Variants in LRRC4C observed in about 807,000 individuals in gnomAD.
LRRC4C encodes the protein leucine rich repeat containing 4C.
In LRRC4C, 5 loss-of-function variants were observed where a neutral mutation model predicts 33.6. The observed-to-expected ratio is 0.15, with a 90% CI of 0.08 to 0.31. The LOEUF (loss-of-function observed/expected upper bound fraction) is 0.31, where lower values mean the gene tolerates loss of function less well. LRRC4C is among the 10% of genes least tolerant of loss of function. LRRC4C has a pLI of 1.00. For synonymous variants in LRRC4C, 329 were observed against 302.0 expected, an observed-to-expected ratio of 1.09 and a Z score of -0.93; for missense variants, 560 against 796.7, an observed-to-expected ratio of 0.70 and a Z score of 3.58.
At chr11:40,437,038 A>G (rs1951170922) in intron 3 of LRRC4C, among the ~76,000 whole-genome samples, 1 of 152,104 alleles carries the variant, frequency 6.6e-6, no homozygotes, top group Non-Finnish European at 1.5e-5. Context: ...GATTAAAAGC[A>G]TTGTTATTCT....
intron 1 of LRRC4C, among the ~76,000 whole-genome samples, chr11:40,981,176 G>A (rs1565267156): frequency 6.6e-6 from 1 of 152,172 alleles, no homozygotes; most frequent in Non-Finnish European, 1.5e-5. Context: ...AGCACTTTGA[G>A]AGGCCGAGAC....
chr11:41,054,793 G>A (rs763699358), intron 1 of LRRC4C, among the ~76,000 whole-genome samples: 3 of 152,160 alleles, frequency 2.0e-5, no homozygotes, highest in Non-Finnish European at 4.4e-5. Context: ...GTACAGTCCA[G>A]AAGAAAAGCA....
At chr11:41,157,682 C>A (rs1201673190) in intron 1 of LRRC4C, among the ~76,000 whole-genome samples, 3 of 152,038 alleles carry the variant, frequency 2.0e-5, no homozygotes, top group Admixed American at 6.6e-5. Context: ...AAGCACACAG[C>A]TTTATTCCCT....
chr11:41,456,886 C>CAA (rs1956185890), intron 1 of LRRC4C, among the ~76,000 whole-genome samples: 1 of 152,044 alleles, frequency 6.6e-6, no homozygotes, highest in Non-Finnish European at 1.5e-5. Flanking sequence ...AATACAGATG[C>CAA]AAAGTTACAG....
At chr11:40,600,586 T>C (rs1208021856) in intron 3 of LRRC4C, among the ~76,000 whole-genome samples, 3 of 152,200 alleles carry the variant, frequency 2.0e-5, no homozygotes, top group Admixed American at 1.3e-4. Context: ...TTCACTTCTG[T>C]TGAGAATCAT....
chr11:41,062,502 AT>A (rs933900189), intron 1 of LRRC4C, among the ~76,000 whole-genome samples: 36 of 151,878 alleles, frequency 2.4e-4, no homozygotes, highest in African/African-American at 3.9e-4. Flanking sequence ...TGACCAACAA[AT>A]TTTTTTTTCC....
intron 2 of LRRC4C, among the ~76,000 whole-genome samples, chr11:40,904,084 C>T (rs1360193464): frequency 6.6e-6 from 1 of 152,086 alleles, no homozygotes; most frequent in Non-Finnish European, 1.5e-5. Flanking sequence ...AAATTTCATC[C>T]AATGAGGAGT....
rs1956802108 is a variant in LRRC4C, at chr11:40,913,694, G to C, written c.-407+19941C>G. On this transcript the variant is annotated intron_variant, in intron 2 of 6. Coordinates refer to ENST00000528697, the MANE Select transcript of LRRC4C (RefSeq NM_001258419.2). ...CTAGCAAAAGGCAAGAAATAACTAA[G>C]ATCAGAGCAGAACTGAAGGAAATAG... Among the ~76,000 whole-genome samples, 6 of 152,076 alleles carry C rather than the reference G, an allele frequency of 3.9e-5. No homozygotes were observed. The South Asian group carries it at 8.3e-4, about 21-fold the overall frequency.
At chr11:40,768,606 C>A (rs981059053) in intron 2 of LRRC4C, among the ~76,000 whole-genome samples, 11 of 151,944 alleles carry the variant, frequency 7.2e-5, no homozygotes, top group African/African-American at 2.4e-4. Flanking sequence ...ACTGACAAAC[C>A]AAATTCAACA....
At chr11:40,461,414 GT>G (rs1952390774) in intron 3 of LRRC4C, among the ~76,000 whole-genome samples, 2 of 152,042 alleles carry the variant, frequency 1.3e-5, no homozygotes, top group African/African-American at 4.8e-5. Context: ...TAACTTTCTA[GT>G]GTCTTATGTT....
At chr11:40,787,558 T>C (rs967395843) in intron 2 of LRRC4C, among the ~76,000 whole-genome samples, 1 of 152,218 alleles carries the variant, frequency 6.6e-6, no homozygotes, top group Non-Finnish European at 1.5e-5. Context: ...AATGGCATAC[T>C]CTCTGATGCT....
At chr11:41,062,501 A>G (rs1937861126) in intron 1 of LRRC4C, among the ~76,000 whole-genome samples, 1 of 152,130 alleles carries the variant, frequency 6.6e-6, no homozygotes, top group Non-Finnish European at 1.5e-5. Flanking sequence ...TTGACCAACA[A>G]ATTTTTTTTT....
intron 2 of LRRC4C, among the ~76,000 whole-genome samples, chr11:40,755,078 G>C (rs565960075): frequency 6.6e-6 from 1 of 152,052 alleles, no homozygotes; most frequent in Non-Finnish European, 1.5e-5. Context: ...TTGTCAAAGA[G>C]TTTATCTATT....
chr11:40,269,938 G>T (rs1166624010), intron 4 of LRRC4C, among the ~76,000 whole-genome samples: 1 of 152,056 alleles, frequency 6.6e-6, no homozygotes, highest in African/African-American at 2.4e-5. Flanking sequence ...AATAAATGCA[G>T]GATAGAAGGA....
chr11:41,389,956 C>G (rs1270475241), intron 1 of LRRC4C, among the ~76,000 whole-genome samples: 1 of 151,712 alleles, frequency 6.6e-6, no homozygotes, highest in Non-Finnish European at 1.5e-5. Context: ...AGAAACATGT[C>G]CAAGGAAGAA....
chr11:41,191,334 C>T (rs1006673907), intron 1 of LRRC4C, among the ~76,000 whole-genome samples: 4 of 152,090 alleles, frequency 2.6e-5, no homozygotes, highest in Admixed American at 6.6e-5. Context: ...CATGCAAAAA[C>T]GTTCCTGATT....
rs546096669 is a variant in LRRC4C, at chr11:40,358,432, C to T, written c.-269-38711G>A. The stretch of plus-strand genomic sequence containing the variant: ...AGTAGCTGGGACTGCAGGTGCATAC[C>T]ACTGTGCTTGGCTAATTTTTGTACT... On this transcript the variant is annotated intron_variant, in intron 3 of 6. Transcript: ENST00000528697. Among the ~76,000 whole-genome samples, 156 of 152,138 alleles carry T rather than the reference C, an allele frequency of 1.0e-3. 1 individual carries two copies. The highest frequency in any genetic ancestry group is 3.7e-3 in the African/African-American group (153 of 41,512).
intron 1 of LRRC4C, among the ~76,000 whole-genome samples, chr11:41,355,675 A>G (rs918968603): frequency 6.6e-6 from 1 of 152,086 alleles, no homozygotes; most frequent in Non-Finnish European, 1.5e-5. Context: ...AATAAACTAA[A>G]TATCACATAC....
At chr11:40,636,439 A>G (rs2136058218) in intron 3 of LRRC4C, among the ~76,000 whole-genome samples, 1 of 152,280 alleles carries the variant, frequency 6.6e-6, no homozygotes, top group South Asian at 2.1e-4. Context: ...TATAAGCACA[A>G]AGACATTGGT....
Sources: allele counts gnomAD v4.1 joint callset (sites outside exome capture counted in the v4.1 genomes callset), GRCh38; gene constraint gnomAD v4.1.1; transcripts MANE v1.5; gene names NCBI Gene and HGNC (gene_info 2026-07-23, HGNC 2026-07-21).